The following LEF1 variants were observed in gnomAD, a reference collection of about 807,000 sequenced individuals.
The protein encoded by LEF1 is lymphoid enhancer binding factor 1.
Under a neutral mutation model 51.2 loss-of-function variants are expected in LEF1, and 14 were observed. The observed-to-expected ratio is 0.27, with a 90% CI of 0.18 to 0.43. The LOEUF (loss-of-function observed/expected upper bound fraction) is 0.43, where lower values mean the gene tolerates loss of function less well. Among genes scored for constraint, LEF1 ranks in the 20% least tolerant of loss-of-function variants. The pLI is 1.00. For missense variants in LEF1, 386 were observed against 512.0 expected (o/e 0.75, Z 2.37); for synonymous variants, 185 against 183.2 (o/e 1.01, Z -0.08).
At chr4:108,113,971 AC>A (rs1275023167) in intron 3 of LEF1, among the ~76,000 whole-genome samples, 6 of 151,616 alleles carry the variant, frequency 4.0e-5, no homozygotes, top group Admixed American at 6.6e-5. Flanking sequence ...TAAAAAATAA[AC>A]ACATAAGTTT....
chr4:108,080,372 G>T (rs1739205106), intron 6 of LEF1, among the ~76,000 whole-genome samples: 1 of 152,156 alleles, frequency 6.6e-6, no homozygotes, highest in South Asian at 2.1e-4. Context: ...ATATGTTTTA[G>T]AAATTTTTGC....
chr4:108,065,664 T>TA (rs1738030383), intron 9 of LEF1, among the ~76,000 whole-genome samples: 1 of 152,168 alleles, frequency 6.6e-6, no homozygotes, highest in Non-Finnish European at 1.5e-5. Context: ...GGTGCAGAAA[T>TA]ATGCACTTTT....
intron 4 of LEF1, among the ~76,000 whole-genome samples, chr4:108,086,336 C>T (rs1373807882): frequency 3.3e-5 from 5 of 152,140 alleles, no homozygotes; most frequent in South Asian, 2.1e-4. Context: ...GCGATCCTTG[C>T]GTCAGCCTCC....
At chr4:108,119,737 G>A (rs1429507437) in intron 3 of LEF1, among the ~76,000 whole-genome samples, 3 of 152,122 alleles carry the variant, frequency 2.0e-5, no homozygotes, top group African/African-American at 4.8e-5. Context: ...CGGCCTAAAA[G>A]TTTGACTTAG....
intron 1 of LEF1, chr4:108,166,839 A>C: frequency 7.1e-6 from 7 of 985,282 alleles, no homozygotes; most frequent in Non-Finnish European, 8.4e-6. Flanking sequence ...GGAGAAAACT[A>C]GAGTTGGGGG....
At chr4:108,093,098 T>G (rs1397134750) in intron 3 of LEF1, among the ~76,000 whole-genome samples, 1 of 152,114 alleles carries the variant, frequency 6.6e-6, no homozygotes, top group Admixed American at 6.5e-5. Context: ...TTTAGTTCCT[T>G]ATTTTAATTT....
At chr4:108,049,184 C>A (rs1288247661) in intron 11 of LEF1, among the ~76,000 whole-genome samples, 1 of 152,234 alleles carries the variant, frequency 6.6e-6, no homozygotes, top group African/African-American at 2.4e-5. Context: ...ATAGGACAGA[C>A]ATAATCACAT....
rs756042471 is a variant in LEF1 at position 108,165,128 on chromosome 4, G to A, written c.249C>T (p.Tyr83=). The A allele has an allele frequency of 6.2e-7, 1 of 1,614,096 alleles. No individual in the cohort carries two copies. The highest frequency in any genetic ancestry group is 8.5e-7 in the Non-Finnish European group (1 of 1,180,014). Residue 83 remains tyrosine, a synonymous_variant, in exon 2 of 12, where the codon TAC becomes TAT. Transcript: ENST00000265165. The part of the protein sequence containing the change: ...ARQAQTSQEP[Y]HDKAREHPDD... ...CGGGGTGTTCTCTGGCCTTGTCGTGGTAGGGCTCCTGAGAGGTTTGTGCTT... is the reference window on the plus strand; with the variant it reads ...CGGGGTGTTCTCTGGCCTTGTCGTGATAGGGCTCCTGAGAGGTTTGTGCTT...
At chr4:108,086,036 A>G (rs1739624316) in intron 4 of LEF1, among the ~76,000 whole-genome samples, 2 of 152,248 alleles carry the variant, frequency 1.3e-5, no homozygotes, top group Non-Finnish European at 2.9e-5. Flanking sequence ...CCCATTCCAT[A>G]TGCTGGGTCA....
At chr4:108,137,975 C>T (rs530018965) in intron 3 of LEF1, among the ~76,000 whole-genome samples, 52 of 152,214 alleles carry the variant, frequency 3.4e-4, no homozygotes, top group African/African-American at 1.3e-3. Flanking sequence ...TTTTGCTTTC[C>T]TAAATTCCAA....
intron 3 of LEF1, among the ~76,000 whole-genome samples, chr4:108,149,329 G>A (rs1216210062): frequency 2.0e-5 from 3 of 149,848 alleles, no homozygotes; most frequent in Non-Finnish European, 4.5e-5. Flanking sequence ...CGTGGTGGCG[G>A]GCGCCTGTGG....
At chr4:108,093,939 C>T (rs768577204) in intron 3 of LEF1, among the ~76,000 whole-genome samples, 1 of 152,204 alleles carries the variant, frequency 6.6e-6, no homozygotes, top group Non-Finnish European at 1.5e-5. Flanking sequence ...TTTATCCTCA[C>T]AACAGCTTTG....
rs550162024 is a variant in LEF1 at position 108,162,882 on chromosome 4, TATC to T, written c.414+683_414+685del. The stretch of plus-strand genomic sequence containing the variant: ...TGAGGTTTCCACTTCCTAAGAGAAA[TATC>T]ATCAAATAAACCTGAAATTCTTTAT... On this transcript the variant is annotated intron_variant, in intron 3 of 11. Coordinates refer to ENST00000265165, the MANE Select transcript of LEF1 (RefSeq NM_016269.5). Among the ~76,000 whole-genome samples the T allele has an allele frequency of 2.1e-4, 32 of 152,292 alleles. No homozygotes were observed. In the East Asian group the frequency reaches 4.8e-3, roughly 23 times the overall value.
chr4:108,110,176 C>G (rs765635802), intron 3 of LEF1, among the ~76,000 whole-genome samples: 10 of 152,164 alleles, frequency 6.6e-5, no homozygotes, highest in Non-Finnish European at 1.3e-4. Flanking sequence ...TAACATTCTC[C>G]AAACAATACT....
At position 108,158,574 on chromosome 4, in the gene LEF1, C is replaced by G. The variant is rs578083650; in HGVS notation, c.414+4994G>C. On this transcript the variant is annotated intron_variant, in intron 3 of 11. Transcript: ENST00000265165. ...TTCTCTTTAAATTCCAAGTCTTTTA[C>G]CAAAATCAAAAGGAAATCAGCTTTA... is the stretch of plus-strand genomic sequence containing the variant. Among the ~76,000 whole-genome samples, 104 of 152,068 alleles carry G rather than the reference C, an allele frequency of 6.8e-4. 1 individual carries two copies. The highest frequency in any genetic ancestry group is 1.1e-3 in the Non-Finnish European group (73 of 67,996).
intron 3 of LEF1, among the ~76,000 whole-genome samples, chr4:108,159,403 C>G (rs988829778): frequency 2.0e-5 from 3 of 152,116 alleles, no homozygotes; most frequent in Non-Finnish European, 2.9e-5. Flanking sequence ...AAGTGCACAA[C>G]TTAAAATAGA....
intron 3 of LEF1, among the ~76,000 whole-genome samples, chr4:108,127,672 C>T (rs190151632): frequency 1.1e-4 from 17 of 152,044 alleles, no homozygotes; most frequent in East Asian, 1.9e-4. Context: ...CTTATTTAAG[C>T]GGAAAATAAA....
intron 4 of LEF1, among the ~76,000 whole-genome samples, chr4:108,086,335 G>A (rs1018166497): frequency 6.6e-6 from 1 of 152,078 alleles, no homozygotes; most frequent in Non-Finnish European, 1.5e-5. Context: ...AGCGATCCTT[G>A]CGTCAGCCTC....
intron 3 of LEF1, among the ~76,000 whole-genome samples, chr4:108,115,827 C>A (rs1741799093): frequency 1.4e-5 from 2 of 142,848 alleles, no homozygotes; most frequent in African/African-American, 5.6e-5. Context: ...GTTAAAAGGT[C>A]TGCCTATAAT....
Sources: allele counts gnomAD v4.1 joint callset (sites outside exome capture counted in the v4.1 genomes callset), GRCh38; gene constraint gnomAD v4.1.1; transcripts MANE v1.5; gene names NCBI Gene and HGNC (gene_info 2026-07-23, HGNC 2026-07-21).